DNER: variants seen among roughly 807,000 people sequenced by gnomAD.
DNER encodes delta/notch like EGF repeat containing.
Under a neutral mutation model 78.2 loss-of-function variants are expected in DNER, and 33 were observed. The observed-to-expected ratio is 0.42, with a 90% CI of 0.32 to 0.56. DNER has a LOEUF of 0.56. Among genes scored for constraint, DNER ranks in the 20% least tolerant of loss-of-function variants. The pLI is 0.11. For missense variants in DNER, 918 were observed against 975.3 expected (o/e 0.94, Z 0.78); for synonymous variants, 417 against 384.8 (o/e 1.08, Z -0.98).
At chr2:229,638,196 T>A (rs1231225301) in intron 1 of DNER, among the ~76,000 whole-genome samples, 1 of 152,222 alleles carries the variant, frequency 6.6e-6, no homozygotes, top group Non-Finnish European at 1.5e-5. Context: ...TTATAGAGAT[T>A]GAAAAAATAT....
chr2:229,537,767 A>G (rs1406822592), intron 5 of DNER, among the ~76,000 whole-genome samples: 2 of 151,720 alleles, frequency 1.3e-5, no homozygotes, highest in East Asian at 1.9e-4. Flanking sequence ...TATTATTATT[A>G]TTATTATACT....
chr2:229,670,789 G>A (rs949216890), intron 1 of DNER, among the ~76,000 whole-genome samples: 2 of 152,180 alleles, frequency 1.3e-5, no homozygotes, highest in Non-Finnish European at 2.9e-5. Context: ...ACAGAGCTCC[G>A]TAAATGTGGC....
intron 1 of DNER, among the ~76,000 whole-genome samples, chr2:229,646,886 T>C (rs1278690932): frequency 6.6e-6 from 1 of 151,870 alleles, no homozygotes; most frequent in African/African-American, 2.4e-5. Context: ...TAAAACAGAG[T>C]GGCCAGGCAT....
intron 11 of DNER, among the ~76,000 whole-genome samples, chr2:229,372,067 T>C (rs544888004): frequency 9.2e-5 from 14 of 152,286 alleles, no homozygotes; most frequent in African/African-American, 2.2e-4. Flanking sequence ...GAAAAGGGAA[T>C]GAAAGAGATC....
chr2:229,620,134 C>T (rs1175218525), intron 1 of DNER, among the ~76,000 whole-genome samples: 3 of 152,206 alleles, frequency 2.0e-5, no homozygotes, highest in African/African-American at 4.8e-5. Context: ...GGCACCCTCT[C>T]AGCCTGTGGG....
intron 12 of DNER, among the ~76,000 whole-genome samples, chr2:229,364,943 T>C (rs13415396): frequency 0.39 from 57,798 of 148,630 alleles, 11,991 homozygotes; most frequent in Middle Eastern, 0.46. Context: ...CTCCACCTCG[T>C]GGGTTCAAGT....
chr2:229,361,400 G>A (rs1692206362), intron 12 of DNER, among the ~76,000 whole-genome samples: 1 of 152,106 alleles, frequency 6.6e-6, no homozygotes, highest in Admixed American at 6.6e-5. Context: ...AAATAGACTA[G>A]GGGTTAGCAA....
chr2:229,694,747 G>A (rs1184849592), intron 1 of DNER, among the ~76,000 whole-genome samples: 1 of 152,204 alleles, frequency 6.6e-6, no homozygotes, highest in African/African-American at 2.4e-5. Context: ...TAACTAACTT[G>A]CTTTTGATTT....
intron 10 of DNER, among the ~76,000 whole-genome samples, chr2:229,401,573 C>T (rs574833557): frequency 4.1e-4 from 62 of 152,028 alleles, no homozygotes; most frequent in Non-Finnish European, 8.7e-4. Flanking sequence ...AAAAATCAAT[C>T]TCAAAAGGCT....
chr2:229,559,507 G>A (rs1696916497), intron 4 of DNER, among the ~76,000 whole-genome samples: 1 of 152,148 alleles, frequency 6.6e-6, no homozygotes, highest in South Asian at 2.1e-4. Context: ...ACAGCTTCGG[G>A]AGGTCAGACC....
At chr2:229,660,493 G>T (rs546566778) in intron 1 of DNER, among the ~76,000 whole-genome samples, 1 of 152,178 alleles carries the variant, frequency 6.6e-6, no homozygotes, top group African/African-American at 2.4e-5. Context: ...TAGTGTATAT[G>T]TGCCACATTC....
chr2:229,554,857 AAAGAGAAGAGAAGAG>A (rs869140188), intron 4 of DNER, among the ~76,000 whole-genome samples: 1,303 of 51,184 alleles, frequency 0.025, 94 homozygotes, highest in East Asian at 0.035. Context: ...CCTGAAAGGA[AAAGAGAAGAGAAGAG>A]AAGAGAAGAG....
chr2:229,454,058 T>A (rs566048627), intron 7 of DNER, among the ~76,000 whole-genome samples: 2 of 152,120 alleles, frequency 1.3e-5, no homozygotes, highest in African/African-American at 4.8e-5. Flanking sequence ...GCCAGCCTGC[T>A]GCAAGATGAG....
intron 5 of DNER, among the ~76,000 whole-genome samples, chr2:229,522,798 G>C (rs1280253192): frequency 6.6e-6 from 1 of 152,232 alleles, no homozygotes; most frequent in African/African-American, 2.4e-5. Context: ...GGACGGAACA[G>C]AGGACAAAGC....
intron 3 of DNER, chr2:229,586,556 A>C (rs1458111602): frequency 3.3e-6 from 1 of 300,732 alleles, no homozygotes; most frequent in African/African-American, 2.6e-5. Context: ...AAAAACACAC[A>C]AAACCACCCC....
At chr2:229,636,608 A>G (rs191732296) in intron 1 of DNER, among the ~76,000 whole-genome samples, 7 of 152,358 alleles carry the variant, frequency 4.6e-5, no homozygotes, top group Admixed American at 4.6e-4. Flanking sequence ...GTTCCTTGAA[A>G]TCATGAGACT....
intron 1 of DNER, among the ~76,000 whole-genome samples, chr2:229,638,423 T>G (rs1393982281): frequency 1.3e-5 from 2 of 152,158 alleles, no homozygotes; most frequent in Non-Finnish European, 2.9e-5. Flanking sequence ...AAATGCATGA[T>G]TTTCAGCAAA....
intron 12 of DNER, among the ~76,000 whole-genome samples, chr2:229,360,287 A>G (rs1196629562): frequency 6.6e-6 from 1 of 152,244 alleles, no homozygotes. Flanking sequence ...AGCTCTCCAT[A>G]TCTAACATAG....
intron 8 of DNER, among the ~76,000 whole-genome samples, chr2:229,428,632 A>G (rs1174885820): frequency 6.6e-6 from 1 of 152,010 alleles, no homozygotes; most frequent in Non-Finnish European, 1.5e-5. Context: ...ATTGAACAAA[A>G]AGAATTGACA....
Sources: gnomAD v4.1 joint callset for allele counts (sites outside exome capture counted in the v4.1 genomes callset) on GRCh38, gnomAD v4.1.1 for gene constraint, MANE v1.5 for transcripts, NCBI Gene and HGNC (gene_info 2026-07-23, HGNC 2026-07-21) for gene names.